Variants in DYNC2I1 observed in about 807,000 individuals in gnomAD.
DYNC2I1 encodes cytoplasmic dynein 2 intermediate chain 1.
A neutral mutation model predicts 133.4 loss-of-function variants in DYNC2I1; 89 were observed. The ratio of observed to expected loss-of-function variants is 0.67; its 90% CI spans 0.56 to 0.80. The LOEUF (loss-of-function observed/expected upper bound fraction) is 0.80, where lower values mean the gene tolerates loss of function less well. Among genes scored for constraint, DYNC2I1 ranks in the 30% least tolerant of loss-of-function variants. DYNC2I1 has a pLI of 0.00. For missense variants in DYNC2I1, 1,291 were observed against 1,314.5 expected, an observed-to-expected ratio of 0.98 and a Z score of 0.28; for synonymous variants, 504 against 484.3, an observed-to-expected ratio of 1.04 and a Z score of -0.54.
intron 11 of DYNC2I1, among the ~76,000 whole-genome samples, chr7:158,910,695 A>G (rs769788025): frequency 3.4e-5 from 5 of 145,894 alleles, no homozygotes; most frequent in South Asian, 2.2e-4. Flanking sequence ...GCCGATCACT[A>G]TTTGCTGTGT....
At chr7:158,861,122 A>C (rs1171122997) in intron 1 of DYNC2I1, among the ~76,000 whole-genome samples, 1 of 152,244 alleles carries the variant, frequency 6.6e-6, no homozygotes, top group African/African-American at 2.4e-5. Flanking sequence ...GTTTTAGCCA[A>C]CACCTGGGGA....
Position 158,939,867 on chromosome 7 carries a change from A to T in DYNC2I1, c.2779-2058A>T, listed in dbSNP as rs2657353. The stretch of plus-strand genomic sequence containing the variant: ...CAAATCAAAGACTGTAAAAAATGAC[A>T]AAAAGGGGTCTATATATAATGATAA... On this transcript the variant is annotated intron_variant, in intron 23 of 24. Transcript: ENST00000407559. 1.2e-4 allele frequency among the ~76,000 whole-genome samples: 19 copies of T among 152,118 alleles called. No individual in the cohort carries two copies. The South Asian group carries it at 3.9e-3, about 32-fold the overall frequency.
Position 158,861,706 on chromosome 7 carries a change from G to A in DYNC2I1, c.15+4956G>A, listed in dbSNP as rs145757272. On this transcript the variant is annotated intron_variant, in intron 1 of 24. Coordinates refer to ENST00000407559, the MANE Select transcript of DYNC2I1 (RefSeq NM_018051.5). ...AAACACAGGTGCTCCCTGCAGCCAC[G>A]TTTGTCACATGGAGTACAGAGTGTT... Among the ~76,000 whole-genome samples the A allele has an allele frequency of 2.3e-4, 35 of 152,322 alleles. No homozygotes were observed. The East Asian group carries it at 4.1e-3, about 18-fold the overall frequency.
chr7:158,942,043 G>T lies in DYNC2I1; in HGVS notation c.2897G>T (p.Arg966Met). ...AVTGLQWSPT[R>M]PAVFLVQDDT... Reference sequence around the variant, plus strand: ...ACCGGCCTGCAGTGGTCCCCAACCAGGCCTGCCGTGTTCCTGGTGCAGGAC... The same window carrying T: ...ACCGGCCTGCAGTGGTCCCCAACCATGCCTGCCGTGTTCCTGGTGCAGGAC... The change falls in exon 24 of 25, where the codon AGG (arginine) becomes ATG (methionine). Residue 966 changes from arginine to methionine, a missense_variant. Transcript: ENST00000407559. 2 of 1,613,346 alleles carry T rather than the reference G, an allele frequency of 1.2e-6. No homozygotes were observed. The highest frequency in any genetic ancestry group is 1.7e-6 in the Non-Finnish European group (2 of 1,179,686).
upstream of DYNC2I1, among the ~76,000 whole-genome samples, chr7:158,853,674 G>A (rs1841104640): frequency 1.4e-5 from 2 of 139,738 alleles, no homozygotes; most frequent in Non-Finnish European, 3.1e-5. Flanking sequence ...TTTTTTTTTA[G>A]ATGGAGTTTT....
At position 158,903,993 on chromosome 7, in the gene DYNC2I1, A is replaced by C. The variant is rs562660517; in HGVS notation, c.1357+1398A>C. On this transcript the variant is annotated intron_variant, in intron 10 of 24. Transcript: ENST00000407559. ...TATTCACTGTCATACACATTGCTCCAGGTAAAGCTGGAGCTGCTTTCTTGG... is the reference window on the plus strand; with the variant it reads ...TATTCACTGTCATACACATTGCTCCCGGTAAAGCTGGAGCTGCTTTCTTGG... 4 of 152,348 alleles carry C rather than the reference A, an allele frequency of 2.6e-5. No individual in the cohort carries two copies. The East Asian group carries it at 7.7e-4, about 29-fold the overall frequency. 9.4% of individuals were successfully genotyped at this position (152,348 alleles called of 1,614,324 possible). A position where few individuals can be genotyped will look rare whatever the true frequency, so the allele number is the denominator to read the frequency against.
chr7:158,884,464 A>C, intron 5 of DYNC2I1, 100 bp from the exon 6 acceptor site: 1 of 1,119,780 alleles, frequency 8.9e-7, no homozygotes, highest in Non-Finnish European at 1.3e-6. Context: ...TGCTGTTGTT[A>C]AATTTTGAAT....
At chr7:158,851,627 G>C (rs1383850904), upstream of DYNC2I1, among the ~76,000 whole-genome samples, 1 of 152,146 alleles carries the variant, frequency 6.6e-6, no homozygotes, top group East Asian at 1.9e-4. Context: ...AAATCATCAG[G>C]CCAACTATAA....
intron 3 of DYNC2I1, among the ~76,000 whole-genome samples, chr7:158,875,160 G>A (rs1843238926): frequency 6.9e-6 from 1 of 144,180 alleles, no homozygotes. Flanking sequence ...CAGTGTTGCA[G>A]TCTTGGCTCA....
chr7:158,864,586 T>C (rs2129476514), intron 1 of DYNC2I1, among the ~76,000 whole-genome samples: 1 of 152,288 alleles, frequency 6.6e-6, no homozygotes, highest in South Asian at 2.1e-4. Context: ...CACAGCTCAC[T>C]GCAGCCTCGA....
intron 10 of DYNC2I1, chr7:158,905,175 A>C (rs1316177381): frequency 1.4e-5 from 5 of 369,062 alleles, no homozygotes; most frequent in Non-Finnish European, 2.6e-5. Context: ...GAGTCTCACT[A>C]TGTCTCCCGT....
chr7:158,949,328 G>A (rs1374228676), downstream of DYNC2I1, among the ~76,000 whole-genome samples: 1 of 152,276 alleles, frequency 6.6e-6, no homozygotes, highest in African/African-American at 2.4e-5. Flanking sequence ...CTGAGAGACA[G>A]TGAAGCCTGG....
At chr7:158,859,470 C>T (rs1841678397) in intron 1 of DYNC2I1, among the ~76,000 whole-genome samples, 1 of 151,700 alleles carries the variant, frequency 6.6e-6, no homozygotes, top group African/African-American at 2.4e-5. Flanking sequence ...TTTGACTGTC[C>T]CTTGGGGTTT....
Position 158,930,495 on chromosome 7 carries a change from T to G in DYNC2I1, c.2526T>G (p.Ala842=). ...GGAGGGTCAAGCTGGTACATAGTGC[T>G]CTGATCCAGTTGGGTGACAGGTAAG... The part of the protein sequence containing the change: ...PGGRVKLVHS[A]LIQLGDSLSH... The change falls in exon 21 of 25, where the codon GCT becomes GCG. Residue 842 remains alanine (A), a synonymous_variant. Transcript: ENST00000407559. The G allele has an allele frequency of 6.2e-7, 1 of 1,613,108 alleles. No homozygotes were observed.
chr7:158,843,458 C>T, the DYNC2I1 span, among the ~76,000 whole-genome samples: 13 of 152,192 alleles, frequency 8.5e-5, no homozygotes, highest in Admixed American at 2.0e-4. Flanking sequence ...CGGGGTTTTG[C>T]CATGTTGGCC....
chr7:158,930,180 T>C (rs1850079096), intron 20 of DYNC2I1, among the ~76,000 whole-genome samples: 1 of 152,180 alleles, frequency 6.6e-6, no homozygotes, highest in Non-Finnish European at 1.5e-5. Context: ...ACCCCCCTTA[T>C]TTTATCAGAT....
At chr7:158,917,198 C>T (rs548403575) in intron 14 of DYNC2I1, among the ~76,000 whole-genome samples, 29 of 142,708 alleles carry the variant, frequency 2.0e-4, no homozygotes, top group South Asian at 8.6e-4. Flanking sequence ...GATTGTGAAA[C>T]GTCGACACGC....
chr7:158,955,960 C>T (rs1563223274), intron 4 of DYNC2I1, among the ~76,000 whole-genome samples: 1 of 152,218 alleles, frequency 6.6e-6, no homozygotes, highest in Admixed American at 6.5e-5. Flanking sequence ...GGCGGAACCT[C>T]GCCTCTAAAC....
chr7:158,874,691 C>T (rs1425866307), intron 3 of DYNC2I1, among the ~76,000 whole-genome samples: 1 of 152,220 alleles, frequency 6.6e-6, no homozygotes, highest in East Asian at 1.9e-4. Context: ...CCAGCAACCC[C>T]TTGCCCTTGC....
Sources: gnomAD v4.1 joint callset for allele counts (sites outside exome capture counted in the v4.1 genomes callset) on GRCh38, gnomAD v4.1.1 for gene constraint, MANE v1.5 for transcripts, NCBI Gene and HGNC (gene_info 2026-07-23, HGNC 2026-07-21) for gene names.